Variants in BCAS3 observed in about 807,000 individuals in gnomAD.
BCAS3 encodes BCAS4/BCAS3 fusion.
BCAS3 carries 53 observed loss-of-function variants against 116.1 expected under a neutral mutation model. The ratio of observed to expected loss-of-function variants is 0.46; its 90% CI spans 0.37 to 0.57. BCAS3 has a LOEUF of 0.57. BCAS3 is among the 20% of genes least tolerant of loss of function. The pLI is 0.00. For synonymous variants in BCAS3, 391 were observed against 408.2 expected, an observed-to-expected ratio of 0.96 and a Z score of 0.51; for missense variants, 917 against 1,165.4, an observed-to-expected ratio of 0.79 and a Z score of 3.10.
chr17:61,227,553 G>A lies in BCAS3; in HGVS notation c.2426-140774G>A, dbSNP rs1304149573. Among the ~76,000 whole-genome samples, 1 of 152,210 alleles carries A rather than the reference G, an allele frequency of 6.6e-6. No homozygotes were observed. The highest frequency in any genetic ancestry group is 2.4e-5 in the African/African-American group (1 of 41,456). On this transcript the variant is annotated intron_variant, in intron 22 of 23. Coordinates refer to ENST00000407086, the MANE Select transcript of BCAS3 (RefSeq NM_017679.5). This position sits in a 1 kb window ranked among gnomAD's most constrained non-coding sequence, Gnocchi z 6.1. ...ATGAAGTGAAATGACCAGGTAGACA[G>A]TAGAACCAGGCCTGTGTGCTGGGGA...
rs1429445839 is a variant in BCAS3 at position 61,365,540 on chromosome 17, T to C, written c.2426-2787T>C. ...GTCGAGATGGCGTTTCACCATGTTGTCCAGGCTGGTCTCAAACTCTTGGCC... is the reference window on the plus strand; with the variant it reads ...GTCGAGATGGCGTTTCACCATGTTGCCCAGGCTGGTCTCAAACTCTTGGCC... On this transcript the variant is annotated intron_variant, in intron 22 of 23. Transcript: ENST00000407086. The surrounding 1 kb of genome is among the most constrained non-coding windows in gnomAD (Gnocchi z 4.6). Among the ~76,000 whole-genome samples the C allele has an allele frequency of 6.6e-6, 1 of 152,118 alleles. No individual in the cohort carries two copies. The highest frequency in any genetic ancestry group is 1.5e-5 in the Non-Finnish European group (1 of 68,014).
At position 61,088,187 on chromosome 17, in the gene BCAS3, GACAAA is replaced by G. The variant is rs2073240122; in HGVS notation, c.2425+3631_2425+3635del. ...ACCGAGCAAGGCTCTGTCTCAAAAA[GACAAA>G]ACAAAACGAAACAAAACAAAAACCA... On this transcript the variant is annotated intron_variant, in intron 22 of 23. Transcript: ENST00000407086. This position sits in a 1 kb window ranked among gnomAD's most constrained non-coding sequence, Gnocchi z 4.2. 6.6e-6 allele frequency among the ~76,000 whole-genome samples: 1 copy of G among 151,962 alleles called. No homozygotes were observed.
chr17:60,952,195 G>A (rs770073994), intron 14 of BCAS3, among the ~76,000 whole-genome samples: 3 of 151,884 alleles, frequency 2.0e-5, no homozygotes, highest in African/African-American at 4.8e-5. Flanking sequence ...TGTTCTTGTT[G>A]CTACAGTTTA....
At chr17:61,191,534 G>A (rs2080112862) in intron 22 of BCAS3, among the ~76,000 whole-genome samples, 1 of 152,120 alleles carries the variant, frequency 6.6e-6, no homozygotes, top group Non-Finnish European at 1.5e-5. Context: ...CCAGTGCTTT[G>A]GGAGTCCGAG....
intron 10 of BCAS3, among the ~76,000 whole-genome samples, chr17:60,898,532 G>A (rs887726054): frequency 1.6e-4 from 24 of 152,112 alleles, no homozygotes; most frequent in Admixed American, 3.3e-4. Flanking sequence ...TGGCTGTGGT[G>A]AAGTTTTGCT....
intron 19 of BCAS3, among the ~76,000 whole-genome samples, chr17:61,052,171 C>A (rs866992895): frequency 1.9e-4 from 29 of 151,638 alleles, no homozygotes; most frequent in Middle Eastern, 6.8e-3. Flanking sequence ...TTTTTTGGAC[C>A]CCAGTTTTAT....
At chr17:60,955,542 C>T (rs1346604242) in intron 14 of BCAS3, among the ~76,000 whole-genome samples, 1 of 151,884 alleles carries the variant, frequency 6.6e-6, no homozygotes, top group Non-Finnish European at 1.5e-5. Flanking sequence ...CCAAGCCCAG[C>T]TAATTTTTTT....
At chr17:61,209,165 C>T (rs1015237131) in intron 22 of BCAS3, among the ~76,000 whole-genome samples, 7 of 137,838 alleles carry the variant, frequency 5.1e-5, no homozygotes, top group African/African-American at 1.8e-4. Flanking sequence ...AAAGGCCACC[C>T]CGAAACAACA....
chr17:61,311,622 C>T (rs1196967227), intron 22 of BCAS3, among the ~76,000 whole-genome samples: 2 of 152,096 alleles, frequency 1.3e-5, no homozygotes, highest in African/African-American at 4.8e-5. Flanking sequence ...AGGCCAGGCG[C>T]GGTGGCTCAC....
intron 22 of BCAS3, among the ~76,000 whole-genome samples, chr17:61,231,898 GAAGGAAACAA>G (rs2082703589): frequency 6.9e-6 from 1 of 144,186 alleles, no homozygotes; most frequent in African/African-American, 2.5e-5. Context: ...GAAAGAGAAA[GAAGGAAACAA>G]AGAAAGAAGG....
chr17:61,216,287 T>A (rs1474444852), intron 22 of BCAS3, among the ~76,000 whole-genome samples: 1 of 152,150 alleles, frequency 6.6e-6, no homozygotes, highest in Non-Finnish European at 1.5e-5. Flanking sequence ...TGTGCGTTTG[T>A]TTATAACACA....
chr17:61,003,930 A>C (rs1044282838), intron 15 of BCAS3: 2 of 152,266 alleles, frequency 1.3e-5, no homozygotes, highest in East Asian at 3.9e-4. Flanking sequence ...AATAGTCACT[A>C]TCCGTAGGTC....
At chr17:60,790,057 T>C (rs903705780) in intron 6 of BCAS3, among the ~76,000 whole-genome samples, 3 of 152,150 alleles carry the variant, frequency 2.0e-5, no homozygotes, top group African/African-American at 7.2e-5. Context: ...TTCTAGTAAA[T>C]GTGTTGGGAG....
chr17:60,978,305 G>C (rs1381794174), intron 14 of BCAS3, among the ~76,000 whole-genome samples: 22 of 146,094 alleles, frequency 1.5e-4, no homozygotes, highest in African/African-American at 4.8e-4. Context: ...GTCTTCTTTT[G>C]AGAAGTGTCT....
rs75431812 is a variant in BCAS3 at position 60,743,213 on chromosome 17, A to C, written c.322-3985A>C. Among the ~76,000 whole-genome samples, 269 of 152,286 alleles carry C rather than the reference A, an allele frequency of 1.8e-3. 1 individual carries two copies. Among genetic ancestry groups the C allele is most frequent in the African/African-American group, 6.2e-3 (259 of 41,568 alleles). ...CCATGCAACAACATGAATTAATTTCATAAGCATAGTAATGTGTGAAAGAAG... is the reference window on the plus strand; with the variant it reads ...CCATGCAACAACATGAATTAATTTCCTAAGCATAGTAATGTGTGAAAGAAG... On this transcript the variant is annotated intron_variant, in intron 5 of 23. Transcript: ENST00000407086.
At chr17:60,679,404 A>G (rs1473004615) in intron 1 of BCAS3, 49 bp from the exon 2 acceptor site, 5 of 1,435,342 alleles carry the variant, frequency 3.5e-6, no homozygotes, top group Non-Finnish European at 4.9e-6. Flanking sequence ...ACCCCCAACA[A>G]CGATCCATGT....
intron 6 of BCAS3, among the ~76,000 whole-genome samples, chr17:60,748,607 C>G (rs561741940): frequency 6.6e-5 from 10 of 152,136 alleles, no homozygotes; most frequent in African/African-American, 2.4e-4. Flanking sequence ...TGCTGTTTCT[C>G]TGTGTGTAAT....
chr17:61,324,831 A>AG lies in BCAS3; in HGVS notation c.2426-43496_2426-43495insG, dbSNP rs1252665310. Among the ~76,000 whole-genome samples, 1 of 152,040 alleles carries AG rather than the reference A, an allele frequency of 6.6e-6. No individual in the cohort carries two copies. The highest frequency in any genetic ancestry group is 6.6e-5 in the Admixed American group (1 of 15,250). On this transcript the variant is annotated intron_variant, in intron 22 of 23. Transcript: ENST00000407086. The surrounding 1 kb of genome is among the most constrained non-coding windows in gnomAD (Gnocchi z 4.6). ...GAGACCTCATCTCTATGAAAAAAAAAAAAAAAGAAGAAACAAAAAAGAAGA... is the reference window on the plus strand; with the variant it reads ...GAGACCTCATCTCTATGAAAAAAAAAGAAAAAAGAAGAAACAAAAAAGAAGA...
intron 9 of BCAS3, chr17:60,887,156 T>A (rs1482723378): frequency 6.6e-6 from 1 of 152,062 alleles, no homozygotes; most frequent in African/African-American, 2.4e-5. Context: ...GGTGCGCCGT[T>A]TTTTAAGCCG....
Sources: gnomAD v4.1 joint callset for allele counts (sites outside exome capture counted in the v4.1 genomes callset) on GRCh38, gnomAD v4.1.1 for gene constraint, Gnocchi (gnomAD v3.1) non-coding constraint, MANE v1.5 for transcripts, NCBI Gene and HGNC (gene_info 2026-07-23, HGNC 2026-07-21) for gene names.